The following GNAO1 variants were observed in gnomAD, a reference collection of about 807,000 sequenced individuals.
GNAO1 encodes the protein guanine nucleotide-binding protein G(o) subunit alpha.
For synonymous variants in GNAO1, 164 were observed against 180.7 expected, an observed-to-expected ratio of 0.91 and a Z score of 0.74; for missense variants, 166 against 478.7, an observed-to-expected ratio of 0.35 and a Z score of 6.10.
At chr16:56,204,969 T>G (rs2036314153) in intron 2 of GNAO1, among the ~76,000 whole-genome samples, 1 of 152,188 alleles carries the variant, frequency 6.6e-6, no homozygotes, top group Non-Finnish European at 1.5e-5. Context: ...AAACAGATGT[T>G]CTTGTGGCAA....
At position 56,227,099 on chromosome 16, in the gene GNAO1, CTGTT is replaced by C. The variant is rs367832305; in HGVS notation, c.161+34489_161+34492del. Among the ~76,000 whole-genome samples, 386 of 151,870 alleles carry C rather than the reference CTGTT, an allele frequency of 2.5e-3. 2 individuals carry two copies. The highest frequency in any genetic ancestry group is 5.2e-3 in the African/African-American group (217 of 41,416). On this transcript the variant is annotated intron_variant, in intron 2 of 8. Coordinates refer to ENST00000262493, the MANE Select transcript of GNAO1 (RefSeq NM_020988.3). ...AAAAGAGGAAGGTGGGGAGGGGAAACTGTTTGTTTCATTTTGTTTTATTGGCCCA... is the reference window on the plus strand; with the variant it reads ...AAAAGAGGAAGGTGGGGAGGGGAAACTGTTTCATTTTGTTTTATTGGCCCA...
chr16:56,195,836 G>A (rs1359689577), intron 2 of GNAO1, among the ~76,000 whole-genome samples: 1 of 152,206 alleles, frequency 6.6e-6, no homozygotes, highest in African/African-American at 2.4e-5. Context: ...ATTCCATTGA[G>A]CCTGTGTTCT....
intron 6 of GNAO1, among the ~76,000 whole-genome samples, chr16:56,338,438 T>G (rs1434346519): frequency 2.0e-5 from 3 of 152,244 alleles, no homozygotes; most frequent in African/African-American, 7.2e-5. Context: ...CCTGGCCATG[T>G]GCCCCTCACA....
At chr16:56,221,220 C>G (rs776940256) in intron 2 of GNAO1, among the ~76,000 whole-genome samples, 7 of 151,684 alleles carry the variant, frequency 4.6e-5, no homozygotes, top group Admixed American at 6.6e-5. Context: ...AAATAAGTCT[C>G]TCTTCTTTAT....
chr16:56,199,144 T>G (rs1371844007), intron 2 of GNAO1, among the ~76,000 whole-genome samples: 1 of 152,222 alleles, frequency 6.6e-6, no homozygotes, highest in Non-Finnish European at 1.5e-5. Context: ...GTTCTCAATA[T>G]TAAAGCATGA....
chr16:56,227,548 C>T (rs1393154032), intron 2 of GNAO1, among the ~76,000 whole-genome samples: 1 of 152,100 alleles, frequency 6.6e-6, no homozygotes, highest in African/African-American at 2.4e-5. Flanking sequence ...TTTGGCCAGG[C>T]ACAGTGGCTC....
chr16:56,345,087 G>A, intron 6 of GNAO1: 10 of 985,498 alleles, frequency 1.0e-5, no homozygotes, highest in Non-Finnish European at 1.2e-5. Context: ...GAGAGTCCTA[G>A]GACTCCTTAG....
chr16:56,259,704 G>C (rs1451445536), intron 2 of GNAO1, among the ~76,000 whole-genome samples: 1 of 152,220 alleles, frequency 6.6e-6, no homozygotes, highest in Non-Finnish European at 1.5e-5. Flanking sequence ...GGCAGGGCGG[G>C]GGTTCATGTG....
intron 3 of GNAO1, among the ~76,000 whole-genome samples, chr16:56,294,160 T>A (rs74786028): frequency 0.015 from 2,220 of 152,224 alleles, 38 homozygotes; most frequent in South Asian, 0.059. Context: ...GAGGGGAGTT[T>A]ACTTGCAATC....
intron 2 of GNAO1, among the ~76,000 whole-genome samples, chr16:56,206,342 AAAAG>A (rs1282226583): frequency 6.6e-6 from 1 of 151,800 alleles, no homozygotes; most frequent in Non-Finnish European, 1.5e-5. Context: ...AAAAAAAAAA[AAAAG>A]AGGCAGTTAG....
rs1315108277 is a variant in GNAO1 at position 56,351,035 on chromosome 16, C to T, written c.724-349C>T. Among the ~76,000 whole-genome samples, 2 of 152,126 alleles carry T rather than the reference C, an allele frequency of 1.3e-5. No individual in the cohort carries two copies. Among genetic ancestry groups the T allele is most frequent in the Non-Finnish European group, 2.9e-5 (2 of 68,028 alleles). On this transcript the variant is annotated intron_variant, in intron 6 of 8. Coordinates refer to ENST00000262493, the MANE Select transcript of GNAO1 (RefSeq NM_020988.3). The surrounding 1 kb of genome is among the most constrained non-coding windows in gnomAD (Gnocchi z 6.1). ...CACATAACAGGTGCATGCACACACA[C>T]ACAGGCACATGCACACAGCCACACA... is the stretch of plus-strand genomic sequence containing the variant.
At chr16:56,199,427 G>A (rs113820267) in intron 2 of GNAO1, among the ~76,000 whole-genome samples, 3,153 of 152,290 alleles carry the variant, frequency 0.021, 73 homozygotes, top group African/African-American at 0.046. Context: ...TGGTTTTTCC[G>A]TGGCTTCCAG....
At chr16:56,348,072 A>G (rs2037890010) in intron 6 of GNAO1, 5 of 979,264 alleles carry the variant, frequency 5.1e-6, no homozygotes, top group Non-Finnish European at 6.1e-6. Flanking sequence ...CCCACCCCAT[A>G]TTAACTGTAA....
At chr16:56,348,337 C>A in intron 6 of GNAO1, 1 of 245,130 alleles carries the variant, frequency 4.1e-6, no homozygotes, top group Non-Finnish European at 6.5e-6. Flanking sequence ...CTGCTGGGGA[C>A]AGAGGATCAG....
intron 3 of GNAO1, among the ~76,000 whole-genome samples, chr16:56,316,792 C>T (rs1199874099): frequency 6.6e-6 from 1 of 152,212 alleles, no homozygotes; most frequent in Non-Finnish European, 1.5e-5. Flanking sequence ...CAGCACTCAG[C>T]CCTGGGCTTC....
chr16:56,308,762 A>G (rs2037423758), intron 3 of GNAO1, among the ~76,000 whole-genome samples: 1 of 152,088 alleles, frequency 6.6e-6, no homozygotes. Flanking sequence ...GCGCCCAGAG[A>G]AGAGGAGAAG....
At chr16:56,245,637 G>C (rs1394628175) in intron 2 of GNAO1, 1 of 154,784 alleles carries the variant, frequency 6.5e-6, no homozygotes, top group Non-Finnish European at 1.5e-5. Context: ...CAGACAGAGG[G>C]CTAGGGCACT....
chr16:56,341,785 G>A (rs1038333458), intron 6 of GNAO1, among the ~76,000 whole-genome samples: 13 of 152,196 alleles, frequency 8.5e-5, no homozygotes, highest in African/African-American at 2.2e-4. Flanking sequence ...ACACCAGAGC[G>A]GTTACAGGGC....
In GNAO1 at chr16:56,342,057, G is replaced by A. The variant is rs559463059; in HGVS notation, c.723+5197G>A. Among the ~76,000 whole-genome samples, 138 of 152,370 alleles carry A rather than the reference G, an allele frequency of 9.1e-4. 2 individuals carry two copies. Among genetic ancestry groups the A allele is most frequent in the South Asian group, 6.4e-3 (31 of 4,834 alleles). On this transcript the variant is annotated intron_variant, in intron 6 of 8. Coordinates refer to ENST00000262493, the MANE Select transcript of GNAO1 (RefSeq NM_020988.3). ...GCAGGCCAGGACCCAGGCATGTCCA[G>A]CTGGAGTTGAGTAGGGCTCAGCCTC...
Sources: allele counts gnomAD v4.1 joint callset (sites outside exome capture counted in the v4.1 genomes callset), GRCh38; gene constraint gnomAD v4.1.1; non-coding constraint Gnocchi (gnomAD v3.1); transcripts MANE v1.5; gene names NCBI Gene and HGNC (gene_info 2026-07-23, HGNC 2026-07-21).